The following ALDH1A1 variants were observed in gnomAD, a reference collection of about 807,000 sequenced individuals.
ALDH1A1 encodes aldehyde dehydrogenase 1A1.
A neutral mutation model predicts 62.1 loss-of-function variants in ALDH1A1; 19 were observed. The ratio of observed to expected loss-of-function variants is 0.31; its 90% CI spans 0.21 to 0.45. The LOEUF is 0.45. ALDH1A1 is among the 20% of genes least tolerant of loss of function. ALDH1A1 has a pLI of 1.00. For synonymous variants in ALDH1A1, 231 were observed against 215.9 expected (o/e 1.07, Z -0.61); for missense variants, 521 against 607.1 (o/e 0.86, Z 1.49).
At chr9:72,917,429 A>C (rs902274258) in intron 8 of ALDH1A1, among the ~76,000 whole-genome samples, 1 of 152,130 alleles carries the variant, frequency 6.6e-6, no homozygotes, top group African/African-American at 2.4e-5. Flanking sequence ...TTATATAATT[A>C]GATGATTGTG....
At chr9:72,917,272 C>T (rs1433892922) in intron 8 of ALDH1A1, among the ~76,000 whole-genome samples, 168 bp from the exon 9 acceptor site, 1 of 152,014 alleles carries the variant, frequency 6.6e-6, no homozygotes, top group Non-Finnish European at 1.5e-5. Flanking sequence ...TCTTTCTGAT[C>T]CTGCATTTAC....
At chr9:72,937,992 T>A (rs1291261915) in intron 2 of ALDH1A1, among the ~76,000 whole-genome samples, 2 of 152,148 alleles carry the variant, frequency 1.3e-5, no homozygotes, top group Non-Finnish European at 2.9e-5. Flanking sequence ...CATACTGAAA[T>A]CTGAACCAAG....
At chr9:72,950,563 A>G (rs779651524) in intron 1 of ALDH1A1, among the ~76,000 whole-genome samples, 17 of 151,950 alleles carry the variant, frequency 1.1e-4, no homozygotes, top group Non-Finnish European at 2.1e-4. Context: ...TCATAAAAAC[A>G]TATGCATCAA....
At position 72,930,891 on chromosome 9, in the gene ALDH1A1, A is replaced by G; in HGVS notation, c.300T>C (p.Arg100=). The G allele has an allele frequency of 2.5e-6, 4 of 1,614,042 alleles. No individual in the cohort carries two copies. Among genetic ancestry groups the G allele is most frequent in the Non-Finnish European group, 3.4e-6 (4 of 1,179,956 alleles). The change falls in exon 3 of 13, where the codon CGT becomes CGC. Residue 100 remains arginine, a synonymous_variant. Coordinates refer to ENST00000297785, the MANE Select transcript of ALDH1A1 (RefSeq NM_000689.5). ...GGATAATACTCACCGCCAGCAGCAG[A>G]CGATCTCTTTCGATTAAATCAGCCA... The part of the protein sequence containing the change: ...YKLADLIERD[R]LLLATMESMN...
At chr9:72,904,712 T>A (rs1424753315) in intron 12 of ALDH1A1, among the ~76,000 whole-genome samples, 2 of 152,138 alleles carry the variant, frequency 1.3e-5, no homozygotes, top group African/African-American at 4.8e-5. Flanking sequence ...ATAGTGATGG[T>A]TAGAGAGATG....
At chr9:72,918,502 T>A (rs762485594) in intron 8 of ALDH1A1, among the ~76,000 whole-genome samples, 10 of 152,028 alleles carry the variant, frequency 6.6e-5, no homozygotes, top group Non-Finnish European at 1.2e-4. Context: ...CAATCTATTC[T>A]AAACGAGGAA....
intron 9 of ALDH1A1, among the ~76,000 whole-genome samples, chr9:72,915,911 G>C (rs1830056323): frequency 1.3e-5 from 2 of 152,170 alleles, no homozygotes; most frequent in Non-Finnish European, 1.5e-5. Context: ...ATAGCGTTTG[G>C]TTTCAAATTG....
chr9:72,914,972 C>T (rs348458), intron 9 of ALDH1A1, among the ~76,000 whole-genome samples: 66,622 of 151,714 alleles, frequency 0.44, 14,711 homozygotes, highest in East Asian at 0.52. Flanking sequence ...ATCCCCTTTG[C>T]GTAAGTTTTT....
chr9:72,927,218 A>G (rs755823240), intron 4 of ALDH1A1, 41 bp from the exon 5 acceptor site: 6 of 1,434,988 alleles, frequency 4.2e-6, no homozygotes, highest in African/African-American at 1.4e-5. Context: ...AAACAAATGT[A>G]TTTGACATTC....
chr9:72,947,859 T>C (rs1325344137), intron 1 of ALDH1A1, among the ~76,000 whole-genome samples: 1 of 151,956 alleles, frequency 6.6e-6, no homozygotes, highest in Non-Finnish European at 1.5e-5. Flanking sequence ...TGGTTAATGA[T>C]GCACCTCAAA....
chr9:72,904,561 T>C (rs575382740), intron 12 of ALDH1A1, among the ~76,000 whole-genome samples: 75 of 152,260 alleles, frequency 4.9e-4, no homozygotes, highest in Non-Finnish European at 9.7e-4. Flanking sequence ...CTCTATAAAC[T>C]GCCATTAAGT....
At chr9:72,911,934 A>T in intron 10 of ALDH1A1, 24 bp downstream of exon 10, 1 of 1,613,146 alleles carries the variant, frequency 6.2e-7, no homozygotes. Flanking sequence ...AACAAAAAGA[A>T]CAGAACAGAA....
chr9:72,909,642 C>T lies in ALDH1A1; in HGVS notation c.1318G>A (p.Ala440Thr). The change falls in exon 11 of 13, where the codon GCC becomes ACC. Residue 440 changes from alanine to threonine, a missense_variant. By Grantham distance (58) the Ala-to-Thr change is moderately conservative. Transcript: ENST00000297785. Reference protein sequence around the residue: ...AGVFTKDIDKAITISSALQAG... With the variant: ...AGVFTKDIDKTITISSALQAG... ...TGCAGAGCAGAGGAGATTGTTATGGCTTTATCAATGTCTTTGGTAAACACT... is the reference window on the plus strand; with the variant it reads ...TGCAGAGCAGAGGAGATTGTTATGGTTTTATCAATGTCTTTGGTAAACACT... 6.2e-7 allele frequency: 1 copy of T among 1,613,974 alleles called. No homozygotes were observed. The highest frequency in any genetic ancestry group is 8.5e-7 in the Non-Finnish European group (1 of 1,179,944).
intron 11 of ALDH1A1, among the ~76,000 whole-genome samples, chr9:72,907,242 T>C (rs924284296): frequency 6.6e-6 from 1 of 152,226 alleles, no homozygotes; most frequent in South Asian, 2.1e-4. Context: ...CTTTGTTTAA[T>C]TGCCCTTTAA....
intron 1 of ALDH1A1, among the ~76,000 whole-genome samples, chr9:72,945,367 T>G (rs1344791301): frequency 6.6e-6 from 1 of 151,832 alleles, no homozygotes; most frequent in Non-Finnish European, 1.5e-5. Flanking sequence ...CTAGAGTCTG[T>G]AAAGGAAGGC....
At chr9:72,943,531 G>A (rs1830440502) in intron 1 of ALDH1A1, among the ~76,000 whole-genome samples, 2 of 152,112 alleles carry the variant, frequency 1.3e-5, no homozygotes, top group African/African-American at 4.8e-5. Context: ...GCAGGCAACT[G>A]AAGAGATCAG....
intron 1 of ALDH1A1, among the ~76,000 whole-genome samples, chr9:72,945,950 T>A (rs8187887): frequency 1.3e-5 from 2 of 151,978 alleles, no homozygotes; most frequent in African/African-American, 2.4e-5. Context: ...ATAGTCTGAC[T>A]TTAGTAACGT....
At chr9:72,918,574 A>G (rs1679023428) in intron 8 of ALDH1A1, 146 bp downstream of exon 8, 1 of 534,532 alleles carries the variant, frequency 1.9e-6, no homozygotes. Flanking sequence ...TTTCAAGAGT[A>G]ATTTTGGACT....
chr9:72,909,052 T>C (rs916903505), intron 11 of ALDH1A1, among the ~76,000 whole-genome samples: 3 of 152,126 alleles, frequency 2.0e-5, no homozygotes, highest in African/African-American at 7.2e-5. Context: ...TGGCAATTCT[T>C]ATATTGTATT....
Sources: allele counts gnomAD v4.1 joint callset (sites outside exome capture counted in the v4.1 genomes callset), GRCh38; gene constraint gnomAD v4.1.1; transcripts MANE v1.5; gene names NCBI Gene and HGNC (gene_info 2026-07-23, HGNC 2026-07-21).